GRID2: variants seen among roughly 807,000 people sequenced by gnomAD.
GRID2 encodes the protein glutamate receptor ionotropic, delta-2.
GRID2 carries 33 observed loss-of-function variants against 114.8 expected under a neutral mutation model. That is an observed-to-expected ratio of 0.29 (90% CI 0.22 to 0.38). The LOEUF is 0.38. Among genes scored for constraint, GRID2 ranks in the 10% least tolerant of loss-of-function variants. GRID2 has a pLI of 1.00. For synonymous variants in GRID2, 505 were observed against 449.9 expected (o/e 1.12, Z -1.55); for missense variants, 1,184 against 1,257.7 (o/e 0.94, Z 0.89).
chr4:92,475,922 T>A (rs1433052932), intron 1 of GRID2, among the ~76,000 whole-genome samples: 2 of 152,054 alleles, frequency 1.3e-5, no homozygotes, highest in African/African-American at 4.8e-5. Context: ...TTTTACTTTA[T>A]TTTATTGTAG....
chr4:92,660,159 A>G (rs1732451000), intron 2 of GRID2, among the ~76,000 whole-genome samples: 5 of 151,510 alleles, frequency 3.3e-5, no homozygotes, highest in Middle Eastern at 3.4e-3. Context: ...TTAATGGCTA[A>G]TCATGCAAGT....
At chr4:92,905,754 G>C (rs1266490625) in intron 2 of GRID2, among the ~76,000 whole-genome samples, 1 of 144,966 alleles carries the variant, frequency 6.9e-6, no homozygotes, top group Non-Finnish European at 1.5e-5. Context: ...TTTGATTGTT[G>C]AATACATCAA....
At chr4:92,340,883 T>G (rs922801839) in intron 1 of GRID2, among the ~76,000 whole-genome samples, 2 of 152,174 alleles carry the variant, frequency 1.3e-5, no homozygotes, top group African/African-American at 2.4e-5. Flanking sequence ...TCTCTGAGTT[T>G]TTTTCTGAGA....
At position 93,009,173 on chromosome 4, in the gene GRID2, C is replaced by T. The variant is rs572369647; in HGVS notation, c.245-75822C>T. On this transcript the variant is annotated intron_variant, in intron 2 of 15. Coordinates refer to ENST00000282020, the MANE Select transcript of GRID2 (RefSeq NM_001510.4). The stretch of plus-strand genomic sequence containing the variant: ...GGAGATGAGGAAATGAAGGAATCTA[C>T]TGAATTAACTGCATGATCCTCTCTA... Among the ~76,000 whole-genome samples the T allele has an allele frequency of 7.2e-5, 11 of 152,228 alleles. No homozygotes were observed. The South Asian group carries it at 2.3e-3, about 32-fold the overall frequency.
chr4:93,802,628 C>T (rs10050093), intron 1 of GRID2, among the ~76,000 whole-genome samples: 64,337 of 151,982 alleles, frequency 0.42, 15,304 homozygotes, highest in Non-Finnish European at 0.53. Flanking sequence ...TCTTTACTGC[C>T]GTATCTATAT....
intron 14 of GRID2, among the ~76,000 whole-genome samples, chr4:93,657,015 G>A (rs1578494019): frequency 6.6e-6 from 1 of 151,662 alleles, no homozygotes; most frequent in African/African-American, 2.4e-5. Context: ...TGCCCTAGAG[G>A]GAAAAGGTGT....
At chr4:93,802,655 G>C (rs1277345929) in intron 1 of GRID2, among the ~76,000 whole-genome samples, 2 of 151,994 alleles carry the variant, frequency 1.3e-5, no homozygotes, top group Admixed American at 6.6e-5. Context: ...TTCTGTACTT[G>C]TTATCATAAA....
At chr4:93,187,803 A>G (rs1333841377) in intron 4 of GRID2, among the ~76,000 whole-genome samples, 1 of 152,220 alleles carries the variant, frequency 6.6e-6, no homozygotes, top group Non-Finnish European at 1.5e-5. Flanking sequence ...AAGAAATAGA[A>G]AGGAAAAAAA....
At chr4:92,549,926 T>G (rs563195337) in intron 1 of GRID2, among the ~76,000 whole-genome samples, 2 of 152,252 alleles carry the variant, frequency 1.3e-5, no homozygotes, top group African/African-American at 4.8e-5. Context: ...CTCTTTAGCT[T>G]TTTGGTAGGG....
intron 14 of GRID2, among the ~76,000 whole-genome samples, chr4:93,679,232 C>A (rs1578549634): frequency 6.6e-6 from 1 of 151,200 alleles, no homozygotes; most frequent in Non-Finnish European, 1.5e-5. Flanking sequence ...AGCTAACTAT[C>A]CTAAATATAT....
At chr4:92,485,948 A>C (rs1722867066) in intron 1 of GRID2, among the ~76,000 whole-genome samples, 1 of 152,016 alleles carries the variant, frequency 6.6e-6, no homozygotes, top group Non-Finnish European at 1.5e-5. Context: ...GTGAAAACTA[A>C]TCATGTAAAT....
At chr4:93,083,626 G>A (rs930038824) in intron 2 of GRID2, among the ~76,000 whole-genome samples, 2 of 148,820 alleles carry the variant, frequency 1.3e-5, no homozygotes, top group South Asian at 2.1e-4. Context: ...AACCCAGGAT[G>A]CGGAAGTTGC....
chr4:93,082,036 C>T (rs1729913934), intron 2 of GRID2, among the ~76,000 whole-genome samples: 1 of 152,168 alleles, frequency 6.6e-6, no homozygotes, highest in African/African-American at 2.4e-5. Flanking sequence ...ATCTGCCATG[C>T]TTCAACCGAC....
At chr4:92,465,831 G>A (rs1053920650) in intron 1 of GRID2, among the ~76,000 whole-genome samples, 17 of 151,882 alleles carry the variant, frequency 1.1e-4, no homozygotes, top group African/African-American at 2.9e-4. Context: ...CATCTAACAT[G>A]TTTGCATAAA....
At position 93,769,431 on chromosome 4, in the gene GRID2, C is replaced by G. The variant is rs202014437; in HGVS notation, c.2582C>G (p.Ser861Cys). ...ACGTGGTGGAACAAGAGGAAAGGCT[C>G]CCGGGTTCCATCAAAAGAGGTACTT... ...LETWWNKRKG[S>C]RVPSKEDDKE... The change falls in exon 15 of 16, where the codon TCC becomes TGC. Residue 861 changes from serine (S) to cysteine (C), a missense_variant. Physicochemically the swap from Ser to Cys is moderately radical, Grantham distance 112. Transcript: ENST00000282020. The G allele has an allele frequency of 6.2e-7, 1 of 1,613,878 alleles. No homozygotes were observed. The highest frequency in any genetic ancestry group is 2.2e-5 in the East Asian group (1 of 44,870).
chr4:92,997,015 G>A (rs985836593), intron 2 of GRID2, among the ~76,000 whole-genome samples: 5 of 152,266 alleles, frequency 3.3e-5, no homozygotes, highest in African/African-American at 4.8e-5. Context: ...TCCATCATAC[G>A]TTAGGTACCA....
chr4:92,551,254 CTGTGTGTGTG>C (rs34809917), intron 1 of GRID2, among the ~76,000 whole-genome samples: 2,612 of 146,980 alleles, frequency 0.018, 26 homozygotes, highest in Non-Finnish European at 0.025. Flanking sequence ...ACATCTACAC[CTGTGTGTGTG>C]TGTGTGTGTG....
chr4:93,323,729 G>A (rs1167991042), intron 8 of GRID2, among the ~76,000 whole-genome samples: 1 of 152,074 alleles, frequency 6.6e-6, no homozygotes, highest in Non-Finnish European at 1.5e-5. Flanking sequence ...TCATTGAGCA[G>A]TGGTTTGTAG....
intron 2 of GRID2, among the ~76,000 whole-genome samples, chr4:92,835,449 C>T (rs1166917230): frequency 6.6e-6 from 1 of 152,020 alleles, no homozygotes; most frequent in African/African-American, 2.4e-5. Context: ...CTATCTAGTA[C>T]AGAGGAAGTT....
Sources: gnomAD v4.1 joint callset for allele counts (sites outside exome capture counted in the v4.1 genomes callset) on GRCh38, gnomAD v4.1.1 for gene constraint, MANE v1.5 for transcripts, NCBI Gene and HGNC (gene_info 2026-07-23, HGNC 2026-07-21) for gene names.